Variants in BEND7 observed in about 807,000 individuals in gnomAD.
BEND7 encodes BEN domain-containing protein 7.
Under a neutral mutation model 50.9 loss-of-function variants are expected in BEND7, and 28 were observed. The observed-to-expected ratio is 0.55, with a 90% CI of 0.41 to 0.75. The LOEUF is 0.75. Ranked by LOEUF, BEND7 falls within the 30% of genes least tolerant of loss-of-function variation. The pLI, the probability that BEND7 is intolerant of heterozygous loss-of-function variation, is 0.00. For missense variants in BEND7, 477 were observed against 491.3 expected, an observed-to-expected ratio of 0.97 and a Z score of 0.28; for synonymous variants, 170 against 183.9, an observed-to-expected ratio of 0.92 and a Z score of 0.61.
Position 13,481,131 on chromosome 10 carries a change from A to G in BEND7, c.838-7T>C. On this transcript the variant is annotated splice_polypyrimidine_tract_variant and splice_region_variant and intron_variant, in intron 5 of 8. Transcript: ENST00000466271. The stretch of plus-strand genomic sequence containing the variant: ...CAGCAAGTTGTACTTCTGGCTACCA[A>G]AAGAACACAGATATTTCATTAAAAG... The G allele has an allele frequency of 1.2e-6, 2 of 1,613,094 alleles. No individual in the cohort carries two copies. Among genetic ancestry groups the G allele is most frequent in the Non-Finnish European group, 1.7e-6 (2 of 1,179,388 alleles).
intron 6 of BEND7, among the ~76,000 whole-genome samples, chr10:13,473,911 C>T (rs1248388234): frequency 6.7e-6 from 1 of 148,852 alleles, no homozygotes; most frequent in Non-Finnish European, 1.5e-5. Flanking sequence ...AGGGCCGATA[C>T]CTGTGATCAC....
intron 2 of BEND7, among the ~76,000 whole-genome samples, chr10:13,525,496 G>A (rs2079397009): frequency 6.6e-6 from 1 of 152,182 alleles, no homozygotes; most frequent in South Asian, 2.1e-4. Flanking sequence ...TGTTCCCCCT[G>A]TCCCAAAATG....
At chr10:13,499,274 T>C (rs4750370) in intron 3 of BEND7, among the ~76,000 whole-genome samples, 30,808 of 152,138 alleles carry the variant, frequency 0.2, 3,215 homozygotes, top group African/African-American at 0.24. Flanking sequence ...TTACAAAATA[T>C]GGATCACTGG....
In BEND7 at chr10:13,492,853, G is replaced by T. The variant is rs1183675522; in HGVS notation, c.595C>A (p.Pro199Thr). Residue 199 changes from proline to threonine, a missense_variant, in exon 5 of 9, where the codon CCT (proline) becomes ACT (threonine). Physicochemically the swap from Pro to Thr is conservative, Grantham distance 38. Coordinates refer to ENST00000466271, the MANE Select transcript of BEND7 (RefSeq NM_001369863.1). ...TGGGAGCATATAAGGGAAATTGGAG[G>T]TTGTTGTCTGTTTTGAGTTCCAACT... ...QAVGTQNRQQ[P>T]PISLICSQRT... is the part of the protein sequence containing the mutation. 3.8e-6 allele frequency: 6 copies of T among 1,599,980 alleles called. No individual in the cohort carries two copies. The Admixed American group carries it at 5.5e-5, about 15-fold the overall frequency.
intron 2 of BEND7, among the ~76,000 whole-genome samples, chr10:13,521,816 T>C (rs7910407): frequency 0.23 from 34,284 of 152,196 alleles, 4,212 homozygotes; most frequent in Non-Finnish European, 0.28. Context: ...TCCTCCATTT[T>C]ACAGACGGAC....
intron 5 of BEND7, among the ~76,000 whole-genome samples, chr10:13,484,582 A>G (rs1360278551): frequency 6.6e-6 from 1 of 152,250 alleles, no homozygotes; most frequent in Non-Finnish European, 1.5e-5. Flanking sequence ...TATCATTTTG[A>G]AAACTAGACT....
chr10:13,518,682 A>G (rs1339651501), intron 2 of BEND7, among the ~76,000 whole-genome samples: 3 of 152,212 alleles, frequency 2.0e-5, no homozygotes, highest in Non-Finnish European at 4.4e-5. Context: ...AAGAAGTTGT[A>G]TCTCACAAAT....
intron 6 of BEND7, chr10:13,480,599 G>GTTAC: frequency 2.1e-6 from 2 of 973,652 alleles, no homozygotes; most frequent in Non-Finnish European, 2.4e-6. Flanking sequence ...GAAGCTCTTA[G>GTTAC]AAATTACAAA....
chr10:13,443,195 A>C (rs1835597329), intron 8 of BEND7: 1 of 152,666 alleles, frequency 6.6e-6, no homozygotes, highest in Non-Finnish European at 1.5e-5. Context: ...ACACATTACA[A>C]AGAAAGTATA....
At chr10:13,489,874 G>T (rs1191674712) in intron 5 of BEND7, among the ~76,000 whole-genome samples, 2 of 152,228 alleles carry the variant, frequency 1.3e-5, no homozygotes, top group Non-Finnish European at 2.9e-5. Context: ...TGTGCTTAAT[G>T]CAAATGCAGA....
intron 5 of BEND7, among the ~76,000 whole-genome samples, chr10:13,491,023 C>T (rs2076618016): frequency 1.3e-5 from 2 of 152,106 alleles, no homozygotes; most frequent in African/African-American, 2.4e-5. Context: ...AGGCTGGTCT[C>T]GAACTCTTGA....
chr10:13,489,314 CACAGCTGAA>C (rs2076478431), intron 5 of BEND7, among the ~76,000 whole-genome samples: 1 of 152,196 alleles, frequency 6.6e-6, no homozygotes, highest in East Asian at 1.9e-4. Context: ...AAACAACTGC[CACAGCTGAA>C]ACTTTCAGTT....
At chr10:13,521,070 C>T (rs895082736) in intron 2 of BEND7, among the ~76,000 whole-genome samples, 1 of 152,136 alleles carries the variant, frequency 6.6e-6, no homozygotes, top group African/African-American at 2.4e-5. Flanking sequence ...AGTTTTAAAA[C>T]AGTGACTGGG....
chr10:13,503,236 G>A (rs1243425848), intron 2 of BEND7, among the ~76,000 whole-genome samples: 6 of 152,160 alleles, frequency 3.9e-5, no homozygotes, highest in African/African-American at 1.4e-4. Context: ...CCTGCCGTGT[G>A]CAGAAACATG....
chr10:13,449,694 C>G (rs1837269719), intron 7 of BEND7, among the ~76,000 whole-genome samples: 1 of 152,138 alleles, frequency 6.6e-6, no homozygotes, highest in South Asian at 2.1e-4. Flanking sequence ...TATAAACTGA[C>G]CTTCCTTTTG....
At chr10:13,500,750 C>G in intron 2 of BEND7, 1 of 985,490 alleles carries the variant, frequency 1.0e-6, no homozygotes, top group African/African-American at 1.7e-5. Context: ...GGGGTTTTGT[C>G]TTTCTGGCAC....
At chr10:13,516,979 T>A (rs2078728209) in intron 2 of BEND7, among the ~76,000 whole-genome samples, 1 of 152,182 alleles carries the variant, frequency 6.6e-6, no homozygotes, top group Non-Finnish European at 1.5e-5. Context: ...AAGTGTTGAT[T>A]GGAATATCTG....
intron 2 of BEND7, among the ~76,000 whole-genome samples, chr10:13,517,578 C>T (rs561550553): frequency 9.9e-5 from 15 of 152,144 alleles, no homozygotes; most frequent in African/African-American, 3.1e-4. Flanking sequence ...CAGAGGGAGA[C>T]GCTGTCTCTA....
At chr10:13,528,078 G>C (rs191802272) in intron 1 of BEND7, among the ~76,000 whole-genome samples, 1 of 152,160 alleles carries the variant, frequency 6.6e-6, no homozygotes, top group East Asian at 1.9e-4. Flanking sequence ...CCTTCTCTTG[G>C]CGGGGGGAAG....
Sources: gnomAD v4.1 joint callset for allele counts (sites outside exome capture counted in the v4.1 genomes callset) on GRCh38, gnomAD v4.1.1 for gene constraint, MANE v1.5 for transcripts, NCBI Gene and HGNC (gene_info 2026-07-23, HGNC 2026-07-21) for gene names.